Variants in CNTNAP2 observed in about 807,000 individuals in gnomAD.
The protein encoded by CNTNAP2 is contactin-associated protein-like 2.
A neutral mutation model predicts 155.2 loss-of-function variants in CNTNAP2; 98 were observed. The ratio of observed to expected loss-of-function variants is 0.63; its 90% confidence interval spans 0.54 to 0.75. The LOEUF (loss-of-function observed/expected upper bound fraction) is 0.75. CNTNAP2 is among the 30% of genes least tolerant of loss of function. CNTNAP2 has a pLI of 0.00. For missense variants in CNTNAP2, 1,727 were observed against 1,688.1 expected (o/e 1.02, Z -0.40); for synonymous variants, 651 against 631.2 (o/e 1.03, Z -0.47).
intron 15 of CNTNAP2, among the ~76,000 whole-genome samples, chr7:148,005,620 A>G (rs1436792635): frequency 6.6e-6 from 1 of 152,156 alleles, no homozygotes; most frequent in Non-Finnish European, 1.5e-5. Flanking sequence ...TGCAGATGTC[A>G]TAAACTGGAA....
At chr7:146,588,203 A>C (rs2129148976) in intron 1 of CNTNAP2, among the ~76,000 whole-genome samples, 1 of 152,162 alleles carries the variant, frequency 6.6e-6, no homozygotes, top group East Asian at 1.9e-4. Flanking sequence ...TTACACTTTG[A>C]TTAAGGATGA....
intron 1 of CNTNAP2, among the ~76,000 whole-genome samples, chr7:146,132,577 C>T (rs971272016): frequency 3.3e-5 from 4 of 123,022 alleles, no homozygotes; most frequent in African/African-American, 1.2e-4. Flanking sequence ...CCCCCCACCC[C>T]ACAACAGTCC....
intron 3 of CNTNAP2, among the ~76,000 whole-genome samples, chr7:147,018,648 T>C (rs978835699): frequency 2.0e-5 from 3 of 152,082 alleles, no homozygotes; most frequent in African/African-American, 7.2e-5. Flanking sequence ...TTGGAAACCC[T>C]TAAACTTCTA....
At chr7:146,664,348 A>T (rs1350151119) in intron 1 of CNTNAP2, among the ~76,000 whole-genome samples, 25 of 151,464 alleles carry the variant, frequency 1.7e-4, no homozygotes, top group Non-Finnish European at 7.4e-5. Context: ...TTCAGTAGGG[A>T]TGGGTTTTTG....
At chr7:146,490,387 T>C (rs981502905) in intron 1 of CNTNAP2, among the ~76,000 whole-genome samples, 10 of 152,150 alleles carry the variant, frequency 6.6e-5, no homozygotes, top group African/African-American at 2.4e-4. Flanking sequence ...ATGCTAAGTA[T>C]TGGTAAGTTG....
chr7:148,115,010 T>C (rs939639949), intron 15 of CNTNAP2, among the ~76,000 whole-genome samples: 2 of 152,164 alleles, frequency 1.3e-5, no homozygotes, highest in African/African-American at 4.8e-5. Flanking sequence ...TTGAGATAAC[T>C]CACAATTGAC....
chr7:147,882,461 A>T (rs1799536880), intron 13 of CNTNAP2, among the ~76,000 whole-genome samples: 1 of 152,224 alleles, frequency 6.6e-6, no homozygotes, highest in Non-Finnish European at 1.5e-5. Context: ...GGTGGTGCTC[A>T]GCCCCCTGCC....
chr7:147,461,854 A>T (rs1798031548), intron 10 of CNTNAP2, among the ~76,000 whole-genome samples: 1 of 152,252 alleles, frequency 6.6e-6, no homozygotes, highest in South Asian at 2.1e-4. Flanking sequence ...TGAGTGCCTC[A>T]TTCGAAAATA....
chr7:147,901,881 A>G (rs756163622), intron 13 of CNTNAP2, among the ~76,000 whole-genome samples: 45 of 152,238 alleles, frequency 3.0e-4, no homozygotes, highest in Non-Finnish European at 1.5e-5. Flanking sequence ...ATGAGTGACT[A>G]TTAGGCCAAA....
chr7:148,309,309 A>T (rs1310000438), intron 21 of CNTNAP2, among the ~76,000 whole-genome samples: 1 of 152,218 alleles, frequency 6.6e-6, no homozygotes, highest in Non-Finnish European at 1.5e-5. Context: ...ACACACAATG[A>T]CCTTCACAGT....
chr7:147,510,850 C>CAT lies in CNTNAP2; in HGVS notation c.1777+24829_1777+24830dup, dbSNP rs61069153. ...AGTGCTCCTGTGATGGGCCTACAAC[C>CAT]ATATATATATATATATATATAATGC... On this transcript the variant is annotated intron_variant, in intron 11 of 23. Coordinates refer to ENST00000361727, the MANE Select transcript of CNTNAP2 (RefSeq NM_014141.6). Among the ~76,000 whole-genome samples, 752 of 76,358 alleles carry CAT rather than the reference C, an allele frequency of 9.8e-3. 60 individuals are homozygous for CAT. Among genetic ancestry groups the CAT allele is most frequent in the East Asian group, 0.064 (181 of 2,812 alleles). The allele number at this position is 76,358 out of a possible 152,430, so 50.1% of individuals were successfully genotyped here. A position where few individuals can be genotyped will look rare whatever the true frequency, so the allele number is the denominator to read the frequency against.
intron 1 of CNTNAP2, among the ~76,000 whole-genome samples, chr7:146,482,928 C>A (rs1345090695): frequency 6.6e-6 from 1 of 151,844 alleles, no homozygotes; most frequent in East Asian, 1.9e-4. Context: ...AAAAGTGTTT[C>A]TCATTTACTA....
chr7:146,645,773 G>A (rs1249960099), intron 1 of CNTNAP2, among the ~76,000 whole-genome samples: 1 of 151,192 alleles, frequency 6.6e-6, no homozygotes, highest in Non-Finnish European at 1.5e-5. Context: ...GCTACCCAGT[G>A]TGTGTGTGTG....
At chr7:147,529,386 A>C (rs1162948613) in intron 11 of CNTNAP2, among the ~76,000 whole-genome samples, 1 of 152,140 alleles carries the variant, frequency 6.6e-6, no homozygotes, top group Non-Finnish European at 1.5e-5. Flanking sequence ...TGATATTACT[A>C]TATTATAGGC....
Position 148,042,323 on chromosome 7 carries a change from A to G in CNTNAP2, c.2383+64334A>G, listed in dbSNP as rs79840836. On this transcript the variant is annotated intron_variant, in intron 15 of 23. Transcript: ENST00000361727. ...TGAAGTATCCAAAGTACTCATATGT[A>G]TCAAAACAGAGAGTAGGTGGTTGCC... Among the ~76,000 whole-genome samples the G allele has an allele frequency of 3.1e-4, 47 of 152,344 alleles. 1 individual carries two copies. In the East Asian group the frequency reaches 7.5e-3, roughly 24 times the overall value.
chr7:147,635,910 A>T (rs768017911), intron 12 of CNTNAP2, among the ~76,000 whole-genome samples: 4 of 152,200 alleles, frequency 2.6e-5, no homozygotes, highest in African/African-American at 9.7e-5. Context: ...GAAAAAAAAT[A>T]AAAAATGGAA....
intron 1 of CNTNAP2, among the ~76,000 whole-genome samples, chr7:146,567,820 A>G (rs1360155166): frequency 6.6e-6 from 1 of 152,118 alleles, no homozygotes; most frequent in Non-Finnish European, 1.5e-5. Flanking sequence ...TCCCGGGTTC[A>G]GGCCATTCTC....
rs148232223 is a variant in CNTNAP2, at chr7:147,648,201, G to T, written c.2098+8895G>T. 3.3e-3 allele frequency among the ~76,000 whole-genome samples: 497 copies of T among 152,280 alleles called. 2 individuals carry two copies. The highest frequency in any genetic ancestry group is 0.011 in the African/African-American group (444 of 41,552). Reference sequence around the variant, plus strand: ...GAGAAGGAGACATTGGAGAGGTTCAGATTAAAGATGTAAGACAGAAAAGGA... The same window carrying T: ...GAGAAGGAGACATTGGAGAGGTTCATATTAAAGATGTAAGACAGAAAAGGA... On this transcript the variant is annotated intron_variant, in intron 13 of 23. Transcript: ENST00000361727.
At chr7:146,209,154 G>A (rs552372305) in intron 1 of CNTNAP2, among the ~76,000 whole-genome samples, 1 of 152,132 alleles carries the variant, frequency 6.6e-6, no homozygotes, top group South Asian at 2.1e-4. Flanking sequence ...GCCATATGAG[G>A]TGCAGAGCTA....
Sources: gnomAD v4.1 joint callset for allele counts (sites outside exome capture counted in the v4.1 genomes callset) on GRCh38, gnomAD v4.1.1 for gene constraint, MANE v1.5 for transcripts, NCBI Gene and HGNC (gene_info 2026-07-23, HGNC 2026-07-21) for gene names.